The following STK17A variants were observed in gnomAD, a reference collection of about 807,000 sequenced individuals.
STK17A encodes serine/threonine-protein kinase 17A.
A neutral mutation model predicts 43.7 loss-of-function variants in STK17A; 26 were observed. The ratio of observed to expected loss-of-function variants is 0.60; its 90% CI spans 0.44 to 0.83. The LOEUF (loss-of-function observed/expected upper bound fraction) is 0.83. STK17A is among the 40% of genes least tolerant of loss of function. The pLI, the probability that STK17A is intolerant of heterozygous loss-of-function variation, is 0.00. For missense variants in STK17A, 476 were observed against 511.6 expected, an observed-to-expected ratio of 0.93 and a Z score of 0.67; for synonymous variants, 191 against 182.5, an observed-to-expected ratio of 1.05 and a Z score of -0.38.
In STK17A at chr7:43,583,380, T is replaced by C. The variant is rs1028481524; in HGVS notation, c.137T>C (p.Ile46Thr). The change falls in exon 1 of 7, where the codon ATA becomes ACA. Residue 46 changes from isoleucine (I) to threonine (T), a missense_variant. By Grantham distance (89) the Ile-to-Thr change is moderately conservative. Coordinates refer to ENST00000319357, the MANE Select transcript of STK17A (RefSeq NM_004760.3). Reference protein sequence around the residue: ...PPQARGLLTEIRAVVRTEPFQ... With the variant: ...PPQARGLLTETRAVVRTEPFQ... ...CAGGCCCGCGGGCTGCTGACAGAGA[T>C]ACGCGCCGTGGTGCGCACCGAGCCC... 1.0e-4 allele frequency: 149 copies of C among 1,448,126 alleles called. 2 individuals carry two copies. Among genetic ancestry groups the C allele is most frequent in the Non-Finnish European group, 1.3e-4 (143 of 1,098,252 alleles). 89.7% of individuals were successfully genotyped at this position (1,448,126 alleles called of 1,614,324 possible).
At chr7:43,598,469 C>CA (rs61683967) in intron 2 of STK17A, among the ~76,000 whole-genome samples, 3,153 of 80,080 alleles carry the variant, frequency 0.039, 54 homozygotes, top group Middle Eastern at 0.1. Flanking sequence ...GACTCCGTCT[C>CA]AAAAAAAAAA....
chr7:43,596,045 C>T lies in STK17A; in HGVS notation c.351C>T (p.Asp117=). The change falls in exon 2 of 7, where the codon GAC becomes GAT. Residue 117 remains aspartate (D), a synonymous_variant. Transcript: ENST00000319357. ...HEIAVLELAQ[D]NPWVINLHEV... ...TTGCTGTACTTGAACTAGCACAAGACAATCCTTGGGTCATTAATTTACATG... is the reference window on the plus strand; with the variant it reads ...TTGCTGTACTTGAACTAGCACAAGATAATCCTTGGGTCATTAATTTACATG... 6.2e-7 allele frequency: 1 copy of T among 1,613,820 alleles called. No homozygotes were observed. The highest frequency in any genetic ancestry group is 8.5e-7 in the Non-Finnish European group (1 of 1,179,910).
At position 43,583,337 on chromosome 7, in the gene STK17A, C is replaced by T; in HGVS notation, c.94C>T (p.Arg32Trp). The T allele has an allele frequency of 1.4e-6, 2 of 1,437,112 alleles. No individual in the cohort carries two copies. The highest frequency in any genetic ancestry group is 1.8e-6 in the Non-Finnish European group (2 of 1,093,806). The allele number at this position is 1,437,112 out of a possible 1,614,324, so 89.0% of individuals were successfully genotyped here. A position where few individuals can be genotyped will look rare whatever the true frequency, so the allele number is the denominator to read the frequency against. ...AGGCCGGGGTCTGAGCGGGCCGTGC[C>T]GGCCGCCGCCGCCGCCCCAGGCCCG... ...RAGRGLSGPC[R>W]PPPPPQARGL... The change falls in exon 1 of 7, where the codon CGG (arginine) becomes TGG (tryptophan). Residue 32 changes from arginine to tryptophan, a missense_variant. Around this residue, in one of 3 missense-constraint regions of STK17A, gnomAD observed 320 missense variants for 326.3 expected, o/e 0.98. Transcript: ENST00000319357.
At position 43,583,399 on chromosome 7, in the gene STK17A, C is replaced by G. The variant is rs986970386; in HGVS notation, c.156C>G (p.Thr52=). 4.2e-6 allele frequency: 6 copies of G among 1,440,250 alleles called. No homozygotes were observed. In the African/African-American group the frequency reaches 4.5e-5, roughly 11 times the overall value. 89.2% of individuals were successfully genotyped at this position (1,440,250 alleles called of 1,614,324 possible). A position where few individuals can be genotyped will look rare whatever the true frequency, so the allele number is the denominator to read the frequency against. The change falls in exon 1 of 7, where the codon ACC becomes ACG. Residue 52 remains threonine (T), a synonymous_variant. Coordinates refer to ENST00000319357, the MANE Select transcript of STK17A (RefSeq NM_004760.3). ...CAGAGATACGCGCCGTGGTGCGCAC[C>G]GAGCCCTTCCAGGACGGCTACAGCC... is the stretch of plus-strand genomic sequence containing the variant. The part of the protein sequence containing the change: ...LLTEIRAVVR[T]EPFQDGYSLC...
intron 2 of STK17A, among the ~76,000 whole-genome samples, chr7:43,605,251 T>C (rs1467490628): frequency 6.6e-6 from 1 of 152,206 alleles, no homozygotes; most frequent in Non-Finnish European, 1.5e-5. Flanking sequence ...ACATTTGGAA[T>C]GTTGCAGGGT....
At chr7:43,587,147 G>GTTTTTTTTTTTT (rs202031785) in intron 1 of STK17A, among the ~76,000 whole-genome samples, 4 of 113,450 alleles carry the variant, frequency 3.5e-5, no homozygotes, top group Non-Finnish European at 4.0e-5. Flanking sequence ...TGTTTTTATT[G>GTTTTTTTTTTTT]TTTTTTGTTT....
intron 3 of STK17A, among the ~76,000 whole-genome samples, chr7:43,611,785 T>G (rs2082903306): frequency 6.6e-6 from 1 of 152,244 alleles, no homozygotes; most frequent in Admixed American, 6.5e-5. Flanking sequence ...TCTGTTTTAT[T>G]TTTTAATGAT....
chr7:43,598,252 C>T (rs1325251408), intron 2 of STK17A, among the ~76,000 whole-genome samples: 2 of 151,984 alleles, frequency 1.3e-5, no homozygotes, highest in Non-Finnish European at 2.9e-5. Flanking sequence ...AGGTGGATCA[C>T]GAGGTCAGGA....
Position 43,624,923 on chromosome 7 carries a change from T to C in STK17A, c.*81T>C. The C allele has an allele frequency of 4.0e-6, 5 of 1,259,166 alleles. No individual in the cohort carries two copies. The highest frequency in any genetic ancestry group is 5.5e-6 in the Non-Finnish European group (5 of 914,656). The allele number at this position is 1,259,166 out of a possible 1,614,324, so 78.0% of individuals were successfully genotyped here. ...TATGGACCTCTGGCCAAATGGTACA[T>C]GTACTGGAAGTGGATAACCAGTATC... is the stretch of plus-strand genomic sequence containing the variant. On this transcript the variant is annotated 3_prime_UTR_variant, in exon 7 of 7. Coordinates refer to ENST00000319357, the MANE Select transcript of STK17A (RefSeq NM_004760.3).
Position 43,583,286 on chromosome 7 carries a change from G to C in STK17A, c.43G>C (p.Gly15Arg), listed in dbSNP as rs773161840. ...EKPGSGGSSPGATSGSGRAGR... is the reference protein window; with the variant it reads ...EKPGSGGSSPRATSGSGRAGR... ...GCCAGGCAGCGGCGGCTCCTCCCCA[G>C]GCGCCACCTCAGGCTCGGGCCGGGC... The change falls in exon 1 of 7, where the codon GGC becomes CGC. Residue 15 changes from glycine to arginine, a missense_variant. Transcript: ENST00000319357. 1 of 1,543,260 alleles carries C rather than the reference G, an allele frequency of 6.5e-7. No homozygotes were observed. The highest frequency in any genetic ancestry group is 8.7e-7 in the Non-Finnish European group (1 of 1,147,940).
At chr7:43,614,042 T>C (rs1434516141) in intron 3 of STK17A, among the ~76,000 whole-genome samples, 1 of 152,174 alleles carries the variant, frequency 6.6e-6, no homozygotes, top group Admixed American at 6.5e-5. Flanking sequence ...AACCTGGGTT[T>C]TAATAGTTAA....
intron 3 of STK17A, among the ~76,000 whole-genome samples, chr7:43,615,884 G>A (rs538829171): frequency 6.6e-6 from 1 of 152,074 alleles, no homozygotes; most frequent in Non-Finnish European, 1.5e-5. Context: ...CCTCCCTCAG[G>A]TTGCCTTCTT....
chr7:43,588,114 A>G (rs995237498), intron 1 of STK17A, among the ~76,000 whole-genome samples: 25 of 151,574 alleles, frequency 1.6e-4, no homozygotes, highest in Non-Finnish European at 3.1e-4. Context: ...TTTACACATT[A>G]TGTAGACTTA....
chr7:43,595,739 A>G (rs997818327), intron 1 of STK17A, among the ~76,000 whole-genome samples, 162 bp from the exon 2 acceptor site: 2 of 152,254 alleles, frequency 1.3e-5, no homozygotes, highest in East Asian at 1.9e-4. Context: ...CTATAAATCT[A>G]TAGATGTAGC....
intron 2 of STK17A, among the ~76,000 whole-genome samples, chr7:43,601,591 T>C (rs2082555445): frequency 6.6e-6 from 1 of 152,102 alleles, no homozygotes; most frequent in African/African-American, 2.4e-5. Context: ...CCATTTCAGT[T>C]CTTCCAGTCT....
At chr7:43,585,496 G>A (rs1033298972) in intron 1 of STK17A, among the ~76,000 whole-genome samples, 1 of 151,374 alleles carries the variant, frequency 6.6e-6, no homozygotes, top group African/African-American at 2.4e-5. Context: ...CTTTACAAAA[G>A]GAGTAGATTG....
chr7:43,595,773 T>G (rs767154143), intron 1 of STK17A, 128 bp from the exon 2 acceptor site: 1 of 756,320 alleles, frequency 1.3e-6, no homozygotes, highest in Non-Finnish European at 2.1e-6. Context: ...TAAGTGATGT[T>G]TCTACTTTTG....
chr7:43,627,338 C>G lies in STK17A; in HGVS notation c.*2496C>G, dbSNP rs549196030. Among the ~76,000 whole-genome samples the G allele has an allele frequency of 2.6e-5, 4 of 152,246 alleles. No homozygotes were observed. The highest frequency in any genetic ancestry group is 9.6e-5 in the African/African-American group (4 of 41,548). ...AATCTCTTAAATTTTTCCAGCTAAC[C>G]TCAGTTTGGAAGAAAAATGTATTAA... On this transcript the variant is annotated 3_prime_UTR_variant, in exon 7 of 7. Coordinates refer to ENST00000319357, the MANE Select transcript of STK17A (RefSeq NM_004760.3).
chr7:43,614,053 TATACTA>T (rs1424203618), intron 3 of STK17A, among the ~76,000 whole-genome samples: 1 of 152,168 alleles, frequency 6.6e-6, no homozygotes, highest in African/African-American at 2.4e-5. Context: ...TAATAGTTAA[TATACTA>T]GAACTTTAAT....
Sources: allele counts gnomAD v4.1 joint callset (sites outside exome capture counted in the v4.1 genomes callset), GRCh38; gene constraint gnomAD v4.1.1; regional missense constraint gnomAD v4.1.1; transcripts MANE v1.5; gene names NCBI Gene and HGNC (gene_info 2026-07-23, HGNC 2026-07-21).